The following IQCJ variants were observed in gnomAD, a reference collection of about 807,000 sequenced individuals.
IQCJ encodes the protein IQ motif containing J.
A neutral mutation model predicts 11.0 loss-of-function variants in IQCJ; 9 were observed. The ratio of observed to expected loss-of-function variants is 0.82; its 90% CI spans 0.49 to 1.43. The LOEUF (loss-of-function observed/expected upper bound fraction) is 1.43. Ranked by LOEUF, IQCJ falls within the 40% of genes most tolerant of loss-of-function variation. The pLI, the probability that IQCJ is intolerant of heterozygous loss-of-function variation, is 0.00. For missense variants in IQCJ, 146 were observed against 133.2 expected (o/e 1.10, Z -0.47); for synonymous variants, 55 against 51.3 (o/e 1.07, Z -0.31).
intron 2 of IQCJ, among the ~76,000 whole-genome samples, chr3:159,251,425 T>C (rs1727591114): frequency 6.6e-6 from 1 of 151,802 alleles, no homozygotes; most frequent in Non-Finnish European, 1.5e-5. Context: ...TCCAAATGCA[T>C]GGAGCTCCCT....
At chr3:159,207,355 A>G (rs1028834464) in intron 1 of IQCJ, among the ~76,000 whole-genome samples, 6 of 152,242 alleles carry the variant, frequency 3.9e-5, no homozygotes, top group African/African-American at 1.4e-4. Context: ...GAAAAACTGT[A>G]GAAAAAGGCT....
chr3:159,249,638 G>A (rs1727476977), intron 2 of IQCJ, among the ~76,000 whole-genome samples: 1 of 152,166 alleles, frequency 6.6e-6, no homozygotes, highest in African/African-American at 2.4e-5. Context: ...TGAAAAATTG[G>A]TGTACTTTGA....
chr3:159,082,605 C>T (rs1716394231), intron 1 of IQCJ, among the ~76,000 whole-genome samples: 1 of 151,858 alleles, frequency 6.6e-6, no homozygotes, highest in South Asian at 2.1e-4. Flanking sequence ...CTTTGTGTGT[C>T]CTGTGTGGCT....
rs576598770 is a variant in IQCJ, at chr3:159,091,920, A to G, written c.9+22479A>G. ...TCAGCTAATAAATGTAGAAGGAATA[A>G]TAGAATTAGATAATAACTATTTTGA... is the stretch of plus-strand genomic sequence containing the variant. On this transcript the variant is annotated intron_variant, in intron 1 of 3. Coordinates refer to ENST00000397832, the MANE Select transcript of IQCJ (RefSeq NM_001042706.3). Among the ~76,000 whole-genome samples, 30 of 152,046 alleles carry G rather than the reference A, an allele frequency of 2.0e-4. 2 individuals carry two copies. Among genetic ancestry groups the G allele is most frequent in the African/African-American group, 7.3e-4 (30 of 41,280 alleles).
chr3:159,228,953 T>C (rs1726024822), intron 1 of IQCJ, among the ~76,000 whole-genome samples: 2 of 152,232 alleles, frequency 1.3e-5, no homozygotes, highest in African/African-American at 2.4e-5. Flanking sequence ...CTTTTGATGT[T>C]ACTAGACATG....
At chr3:159,190,570 G>C (rs984802215) in intron 1 of IQCJ, among the ~76,000 whole-genome samples, 3 of 152,158 alleles carry the variant, frequency 2.0e-5, no homozygotes, top group Non-Finnish European at 4.4e-5. Flanking sequence ...CAGGAATTGA[G>C]GGATGAAAGG....
At chr3:159,234,546 G>A in intron 1 of IQCJ, among the ~76,000 whole-genome samples, 1 of 152,172 alleles carries the variant, frequency 6.6e-6, no homozygotes, top group Non-Finnish European at 1.5e-5. Context: ...ATTCATGCCT[G>A]TAATCCCAGC....
At chr3:159,179,431 C>G (rs139783109) in intron 1 of IQCJ, among the ~76,000 whole-genome samples, 85 of 152,270 alleles carry the variant, frequency 5.6e-4, no homozygotes, top group African/African-American at 2.0e-3. Context: ...AGGAACCTAT[C>G]AAACTGGTAA....
intron 1 of IQCJ, among the ~76,000 whole-genome samples, chr3:159,128,003 C>A (rs995179635): frequency 6.6e-6 from 1 of 152,102 alleles, no homozygotes; most frequent in Non-Finnish European, 1.5e-5. Context: ...TAAAAAGAGG[C>A]CTCAGTCACT....
chr3:159,238,990 A>G (rs1161818894), intron 1 of IQCJ, among the ~76,000 whole-genome samples: 1 of 152,202 alleles, frequency 6.6e-6, no homozygotes, highest in Non-Finnish European at 1.5e-5. Context: ...TGATATTGCC[A>G]GATATAAAAT....
At chr3:159,244,893 G>A (rs921348863) in intron 1 of IQCJ, among the ~76,000 whole-genome samples, 4 of 152,160 alleles carry the variant, frequency 2.6e-5, no homozygotes, top group African/African-American at 9.7e-5. Flanking sequence ...ATTTCTGGTG[G>A]GGGGTAAGTG....
chr3:159,143,500 C>T (rs1182301844), intron 1 of IQCJ, among the ~76,000 whole-genome samples: 2 of 152,142 alleles, frequency 1.3e-5, no homozygotes, highest in Non-Finnish European at 2.9e-5. Flanking sequence ...CTCTTCACCA[C>T]AAAAGCTCCA....
intron 1 of IQCJ, among the ~76,000 whole-genome samples, chr3:159,234,480 G>A (rs553546806): frequency 4.6e-5 from 7 of 152,108 alleles, no homozygotes; most frequent in Non-Finnish European, 1.0e-4. Context: ...GTTTAAGTTA[G>A]CAGTAGTGTT....
intron 1 of IQCJ, among the ~76,000 whole-genome samples, chr3:159,143,906 C>T (rs1026720949): frequency 6.6e-6 from 1 of 152,180 alleles, no homozygotes; most frequent in Non-Finnish European, 1.5e-5. Flanking sequence ...CCTTGAGGGC[C>T]TGGTCTCAGC....
At chr3:159,143,307 A>G (rs1720735285) in intron 1 of IQCJ, among the ~76,000 whole-genome samples, 2 of 152,216 alleles carry the variant, frequency 1.3e-5, no homozygotes, top group Non-Finnish European at 2.9e-5. Flanking sequence ...TGGTCCAAGT[A>G]CTGTTCCATA....
chr3:159,152,915 A>C (rs1171555065), intron 1 of IQCJ, among the ~76,000 whole-genome samples: 3 of 151,710 alleles, frequency 2.0e-5, no homozygotes, highest in African/African-American at 7.3e-5. Flanking sequence ...GTACGCCATA[A>C]GTGACCCACC....
intron 1 of IQCJ, among the ~76,000 whole-genome samples, chr3:159,079,734 C>T (rs1267554290): frequency 6.6e-6 from 1 of 152,052 alleles, no homozygotes; most frequent in Admixed American, 6.6e-5. Context: ...CCTATGATTT[C>T]ATTTTCAATG....
At chr3:159,088,883 T>C (rs1717009713) in intron 1 of IQCJ, among the ~76,000 whole-genome samples, 2 of 152,188 alleles carry the variant, frequency 1.3e-5, no homozygotes, top group African/African-American at 4.8e-5. Context: ...AATTTGCCAG[T>C]CTGTGTCTTT....
intron 1 of IQCJ, among the ~76,000 whole-genome samples, chr3:159,101,466 G>A (rs1014313361): frequency 6.6e-6 from 1 of 152,214 alleles, no homozygotes; most frequent in Non-Finnish European, 1.5e-5. Flanking sequence ...AACACTGGTG[G>A]TTGGTCCTGT....
Sources: gnomAD v4.1 joint callset for allele counts (sites outside exome capture counted in the v4.1 genomes callset) on GRCh38, gnomAD v4.1.1 for gene constraint, MANE v1.5 for transcripts, NCBI Gene and HGNC (gene_info 2026-07-23, HGNC 2026-07-21) for gene names.